Variants in SLC4A4 observed in about 807,000 individuals in gnomAD.
SLC4A4 encodes the protein solute carrier family 4 member 4.
Under a neutral mutation model 111.5 loss-of-function variants are expected in SLC4A4, and 27 were observed. The observed-to-expected ratio is 0.24, with a 90% CI of 0.18 to 0.33. The LOEUF (loss-of-function observed/expected upper bound fraction) is 0.33. Ranked by LOEUF, SLC4A4 falls within the 10% of genes least tolerant of loss-of-function variation. SLC4A4 has a pLI of 1.00. For missense variants in SLC4A4, 909 were observed against 1,315.5 expected (o/e 0.69, Z 4.78); for synonymous variants, 443 against 463.4 (o/e 0.96, Z 0.57).
At chr4:71,187,472 G>C (rs1415029110) in intron 1 of SLC4A4, 71 bp downstream of exon 1, 1 of 152,490 alleles carries the variant, frequency 6.6e-6, no homozygotes, top group African/African-American at 2.4e-5. Context: ...AGGCGGGCGC[G>C]GGCCCGGGGG....
intron 2 of SLC4A4, among the ~76,000 whole-genome samples, chr4:71,110,233 T>C (rs903116769): frequency 3.9e-5 from 6 of 152,142 alleles, no homozygotes; most frequent in Non-Finnish European, 5.9e-5. Flanking sequence ...TTTATTTTCT[T>C]AGACAGGGTC....
intron 6 of SLC4A4, among the ~76,000 whole-genome samples, chr4:71,391,376 A>G (rs1445274799): frequency 2.6e-5 from 4 of 152,068 alleles, no homozygotes; most frequent in Non-Finnish European, 5.9e-5. Context: ...TTTATGTGTC[A>G]TTGTATTACA....
intron 2 of SLC4A4, among the ~76,000 whole-genome samples, chr4:71,146,853 A>G (rs1276570335): frequency 6.6e-6 from 1 of 152,178 alleles, no homozygotes; most frequent in Non-Finnish European, 1.5e-5. Flanking sequence ...TAACCAGCTA[A>G]CATCATAATG....
At chr4:71,318,969 T>C (rs1271083966) in intron 3 of SLC4A4, among the ~76,000 whole-genome samples, 1 of 151,948 alleles carries the variant, frequency 6.6e-6, no homozygotes, top group Non-Finnish European at 1.5e-5. Flanking sequence ...TCTTAGGCTA[T>C]AACAATCTTA....
intron 2 of SLC4A4, among the ~76,000 whole-genome samples, chr4:71,130,161 C>T (rs980446082): frequency 3.9e-5 from 6 of 152,260 alleles, no homozygotes; most frequent in South Asian, 2.1e-4. Context: ...TCCTCTTATC[C>T]GTCTTCAGGG....
chr4:71,210,977 A>G (rs538576993), intron 1 of SLC4A4, among the ~76,000 whole-genome samples: 2 of 152,374 alleles, frequency 1.3e-5, no homozygotes, highest in Non-Finnish European at 2.9e-5. Flanking sequence ...GAATTGTCTG[A>G]AAAATGTGAA....
At chr4:71,371,488 C>T (rs1560449222) in intron 6 of SLC4A4, among the ~76,000 whole-genome samples, 1 of 152,022 alleles carries the variant, frequency 6.6e-6, no homozygotes, top group African/African-American at 2.4e-5. Context: ...AGGTGATCCA[C>T]CCGCCTCGGC....
At chr4:71,098,188 A>T (rs1344544029) in intron 2 of SLC4A4, among the ~76,000 whole-genome samples, 1 of 152,034 alleles carries the variant, frequency 6.6e-6, no homozygotes, top group Non-Finnish European at 1.5e-5. Context: ...ATTCATCCTG[A>T]GTTGATTTTT....
At chr4:71,142,182 T>C (rs1744015566) in intron 2 of SLC4A4, among the ~76,000 whole-genome samples, 2 of 152,240 alleles carry the variant, frequency 1.3e-5, no homozygotes, top group Non-Finnish European at 2.9e-5. Flanking sequence ...TTGTAAGATA[T>C]TTTGCGGTGA....
intron 1 of SLC4A4, among the ~76,000 whole-genome samples, chr4:71,080,179 C>T (rs1741954540): frequency 6.6e-6 from 1 of 152,108 alleles, no homozygotes; most frequent in Non-Finnish European, 1.5e-5. Flanking sequence ...AAGCATCTCT[C>T]CTGGTCCCCA....
intron 12 of SLC4A4, among the ~76,000 whole-genome samples, chr4:71,465,050 C>A (rs1727186405): frequency 6.6e-6 from 1 of 151,972 alleles, no homozygotes; most frequent in African/African-American, 2.4e-5. Flanking sequence ...TAGGTTAACT[C>A]GGAGGTTGAG....
At chr4:71,097,196 C>T (rs1742583179) in intron 2 of SLC4A4, among the ~76,000 whole-genome samples, 1 of 152,128 alleles carries the variant, frequency 6.6e-6, no homozygotes, top group South Asian at 2.1e-4. Context: ...TTAAGTAGGT[C>T]CCAGTGTCTG....
At chr4:71,347,223 A>G (rs1729403679) in intron 4 of SLC4A4, among the ~76,000 whole-genome samples, 1 of 152,188 alleles carries the variant, frequency 6.6e-6, no homozygotes, top group African/African-American at 2.4e-5. Flanking sequence ...AGGAATAAAT[A>G]AAAGATGGAC....
At chr4:71,204,106 T>A (rs1022611761) in intron 1 of SLC4A4, among the ~76,000 whole-genome samples, 5 of 152,220 alleles carry the variant, frequency 3.3e-5, no homozygotes, top group Admixed American at 3.3e-4. Context: ...GTTGGCTATT[T>A]GATCTAATGG....
intron 2 of SLC4A4, among the ~76,000 whole-genome samples, chr4:71,164,529 T>C (rs1479087512): frequency 1.6e-5 from 2 of 127,738 alleles, no homozygotes; most frequent in African/African-American, 3.0e-5. Flanking sequence ...GTTTACTTTG[T>C]GGAAAGAAAT....
At chr4:71,089,301 A>T (rs527868592) in intron 1 of SLC4A4, among the ~76,000 whole-genome samples, 1 of 151,634 alleles carries the variant, frequency 6.6e-6, no homozygotes, top group Admixed American at 6.6e-5. Flanking sequence ...CATTTGTCTA[A>T]TTTTTTTTCA....
chr4:71,496,746 GCA>G (rs1560561741), intron 15 of SLC4A4, among the ~76,000 whole-genome samples: 1 of 152,064 alleles, frequency 6.6e-6, no homozygotes, highest in Non-Finnish European at 1.5e-5. Flanking sequence ...GGGAAGCACA[GCA>G]CTGACCCCAC....
intron 2 of SLC4A4, among the ~76,000 whole-genome samples, chr4:71,113,830 A>G (rs1743163128): frequency 6.6e-6 from 1 of 152,208 alleles, no homozygotes; most frequent in African/African-American, 2.4e-5. Context: ...AATACATATT[A>G]AAAATGCATG....
intron 3 of SLC4A4, among the ~76,000 whole-genome samples, chr4:71,302,063 G>A (rs1272233153): frequency 6.6e-6 from 1 of 152,158 alleles, no homozygotes; most frequent in African/African-American, 2.4e-5. Flanking sequence ...TGCAAGATAG[G>A]AAGGGCATTG....
Sources: allele counts gnomAD v4.1 joint callset (sites outside exome capture counted in the v4.1 genomes callset), GRCh38; gene constraint gnomAD v4.1.1; transcripts MANE v1.5; gene names NCBI Gene and HGNC (gene_info 2026-07-23, HGNC 2026-07-21).